Variants in UTRN observed in about 807,000 individuals in gnomAD.
The protein encoded by UTRN is utrophin, also known as dystrophin-related protein 1.
In UTRN, 283 loss-of-function variants were observed where a neutral mutation model predicts 463.9. The observed-to-expected ratio is 0.61, with a 90% CI of 0.55 to 0.67. The LOEUF (loss-of-function observed/expected upper bound fraction) is 0.67, where lower values mean the gene tolerates loss of function less well. Ranked by LOEUF, UTRN falls within the 30% of genes least tolerant of loss-of-function variation. The pLI is 0.00. For synonymous variants in UTRN, 1,442 were observed against 1,431.5 expected (o/e 1.01, Z -0.17); for missense variants, 3,922 against 4,084.3 (o/e 0.96, Z 1.08).
At chr6:144,768,878 G>A (rs548312335) in intron 58 of UTRN, among the ~76,000 whole-genome samples, 1 of 150,870 alleles carries the variant, frequency 6.6e-6, no homozygotes, top group South Asian at 2.1e-4. Flanking sequence ...CTAGTTACAT[G>A]TCACATGTTC....
chr6:144,530,740 GTGTT>G (rs1404877787), intron 41 of UTRN, among the ~76,000 whole-genome samples: 1 of 152,038 alleles, frequency 6.6e-6, no homozygotes, highest in South Asian at 2.1e-4. Flanking sequence ...GTGTGTGAGT[GTGTT>G]TGTGAGTGTG....
intron 51 of UTRN, among the ~76,000 whole-genome samples, chr6:144,668,909 T>C (rs1780705031): frequency 6.6e-6 from 1 of 152,240 alleles, no homozygotes; most frequent in Non-Finnish European, 1.5e-5. Context: ...TGCTCTCCTT[T>C]ACTAATTCAG....
chr6:144,723,872 T>C (rs1787500616), intron 53 of UTRN, among the ~76,000 whole-genome samples: 1 of 151,228 alleles, frequency 6.6e-6, no homozygotes, highest in Non-Finnish European at 1.5e-5. Context: ...TGGCCAGGCA[T>C]GGTGGTGCAT....
In UTRN at chr6:144,514,884, T is replaced by C. The variant is rs1052550627; in HGVS notation, c.5244+64T>C. 4 of 1,442,160 alleles carry C rather than the reference T, an allele frequency of 2.8e-6. No homozygotes were observed. In the South Asian group the frequency reaches 4.1e-5, roughly 15 times the overall value. The allele number at this position is 1,442,160 out of a possible 1,614,324, so 89.3% of individuals were successfully genotyped here. On this transcript the variant is annotated intron_variant, in intron 37 of 74. Coordinates refer to ENST00000367545, the MANE Select transcript of UTRN (RefSeq NM_007124.3). Reference sequence around the variant, plus strand: ...TGGGTATGTATCTAAATGATAGTCATACAGTACATACATCAACAATTTTGT... The same window carrying C: ...TGGGTATGTATCTAAATGATAGTCACACAGTACATACATCAACAATTTTGT...
intron 13 of UTRN, among the ~76,000 whole-genome samples, chr6:144,441,426 T>G (rs2114903526): frequency 6.6e-6 from 1 of 152,314 alleles, no homozygotes; most frequent in African/African-American, 2.4e-5. Context: ...TCTTAAAGCT[T>G]CAAAATGATC....
At chr6:144,832,912 C>T (rs370107351) in intron 69 of UTRN, among the ~76,000 whole-genome samples, 14 of 152,152 alleles carry the variant, frequency 9.2e-5, no homozygotes, top group South Asian at 8.3e-4. Flanking sequence ...CTTGGCTTCC[C>T]GGGTTCAAGT....
At chr6:144,347,323 A>G (rs138185858) in intron 2 of UTRN, among the ~76,000 whole-genome samples, 343 of 152,350 alleles carry the variant, frequency 2.3e-3, no homozygotes, top group Middle Eastern at 6.8e-3. Context: ...AAGCCAGCCA[A>G]GGGTGTCCAA....
chr6:144,438,733 C>T lies in UTRN; in HGVS notation c.1242-12C>T. The T allele has an allele frequency of 6.2e-7, 1 of 1,613,970 alleles. No individual in the cohort carries two copies. The highest frequency in any genetic ancestry group is 8.5e-7 in the Non-Finnish European group (1 of 1,179,944). On this transcript the variant is annotated splice_polypyrimidine_tract_variant and intron_variant, in intron 11 of 74. Transcript: ENST00000367545. The stretch of plus-strand genomic sequence containing the variant: ...AGGCTTGTAGGAATAATGCTGTGTT[C>T]CCCACGGACAGGCTGCACGATGTGC...
At chr6:144,815,982 T>C (rs1292212600) in intron 65 of UTRN, among the ~76,000 whole-genome samples, 2 of 151,914 alleles carry the variant, frequency 1.3e-5, no homozygotes, top group African/African-American at 4.8e-5. Flanking sequence ...GCTGCTAAGA[T>C]CACCTAAGAG....
At chr6:144,291,324 A>G (rs1291260000) in intron 1 of UTRN, among the ~76,000 whole-genome samples, 1 of 152,146 alleles carries the variant, frequency 6.6e-6, no homozygotes, top group Non-Finnish European at 1.5e-5. Flanking sequence ...CACTTCACAT[A>G]GGAAGCTCTT....
At chr6:144,738,491 C>T (rs1198793219) in intron 54 of UTRN, among the ~76,000 whole-genome samples, 2 of 152,176 alleles carry the variant, frequency 1.3e-5, no homozygotes, top group African/African-American at 4.8e-5. Context: ...GTCGGTCTTC[C>T]TCTCTCCATA....
intron 33 of UTRN, among the ~76,000 whole-genome samples, chr6:144,494,733 G>T (rs1356927809): frequency 2.0e-5 from 3 of 152,050 alleles, no homozygotes; most frequent in East Asian, 3.9e-4. Flanking sequence ...GTTCTCCAAG[G>T]CCCCACCAGA....
At chr6:144,490,304 G>A in intron 31 of UTRN, 105 bp downstream of exon 31, 2 of 1,461,048 alleles carry the variant, frequency 1.4e-6, no homozygotes, top group East Asian at 2.4e-5. Flanking sequence ...TCTTTGTGAT[G>A]TAAACCATGG....
At position 144,303,279 on chromosome 6, in the gene UTRN, TGTTA is replaced by T. The variant is rs1291791150; in HGVS notation, c.79+11379_79+11382del. ...ATGTAAACTTCGCCTTTGTGGGATTTGTTAGTTAGTAACAGTATGTTTAAAGCCT... is the reference window on the plus strand; with the variant it reads ...ATGTAAACTTCGCCTTTGTGGGATTTGTTAGTAACAGTATGTTTAAAGCCT... On this transcript the variant is annotated intron_variant, in intron 2 of 74. Coordinates refer to ENST00000367545, the MANE Select transcript of UTRN (RefSeq NM_007124.3). 4.6e-5 allele frequency among the ~76,000 whole-genome samples: 7 copies of T among 152,360 alleles called. No homozygotes were observed. In the South Asian group the frequency reaches 1.0e-3, roughly 23 times the overall value.
intron 53 of UTRN, among the ~76,000 whole-genome samples, chr6:144,713,917 T>A (rs1786067783): frequency 7.7e-6 from 1 of 129,760 alleles, no homozygotes. Flanking sequence ...TGAAACTCTG[T>A]CTCAAAAAAA....
At chr6:144,548,524 A>T in intron 46 of UTRN, 116 bp from the exon 47 acceptor site, 1 of 971,526 alleles carries the variant, frequency 1.0e-6, no homozygotes, top group South Asian at 1.8e-5. Context: ...ACCTCTTAGA[A>T]TTTTTTTTAC....
intron 51 of UTRN, among the ~76,000 whole-genome samples, chr6:144,651,960 C>T (rs1022209148): frequency 6.6e-6 from 1 of 152,158 alleles, no homozygotes; most frequent in Non-Finnish European, 1.5e-5. Context: ...TTTTATCCCT[C>T]ACCCCCCTCC....
intron 54 of UTRN, among the ~76,000 whole-genome samples, chr6:144,732,824 T>A (rs900216812): frequency 6.6e-6 from 1 of 152,064 alleles, no homozygotes; most frequent in Non-Finnish European, 1.5e-5. Flanking sequence ...TGATCAATCC[T>A]CCCACCTCAG....
At chr6:144,428,013 G>C (rs1481372229) in intron 7 of UTRN, among the ~76,000 whole-genome samples, 1 of 152,148 alleles carries the variant, frequency 6.6e-6, no homozygotes, top group Non-Finnish European at 1.5e-5. Flanking sequence ...TGAGTGGGGG[G>C]AGTAATGGGA....
Sources: allele counts gnomAD v4.1 joint callset (sites outside exome capture counted in the v4.1 genomes callset), GRCh38; gene constraint gnomAD v4.1.1; transcripts MANE v1.5; gene names NCBI Gene and HGNC (gene_info 2026-07-23, HGNC 2026-07-21).